Variants in TPP2 observed in about 807,000 individuals in gnomAD.
TPP2 encodes tripeptidyl peptidase 2.
Under a neutral mutation model 155.9 loss-of-function variants are expected in TPP2, and 34 were observed. The ratio of observed to expected loss-of-function variants is 0.22; its 90% CI spans 0.17 to 0.29. The LOEUF (loss-of-function observed/expected upper bound fraction) is 0.29, where lower values mean the gene tolerates loss of function less well. TPP2 is among the 10% of genes least tolerant of loss of function. The pLI is 1.00. For synonymous variants in TPP2, 510 were observed against 529.4 expected, an observed-to-expected ratio of 0.96 and a Z score of 0.50; for missense variants, 1,028 against 1,522.3, an observed-to-expected ratio of 0.68 and a Z score of 5.40.
chr13:102,642,084 C>A (rs147698211), intron 16 of TPP2, among the ~76,000 whole-genome samples: 1 of 152,298 alleles, frequency 6.6e-6, no homozygotes, highest in South Asian at 2.1e-4. Flanking sequence ...TACCTGGGGG[C>A]AGGTTTCTAA....
At chr13:102,644,343 G>T (rs535807953) in intron 17 of TPP2, among the ~76,000 whole-genome samples, 1 of 152,204 alleles carries the variant, frequency 6.6e-6, no homozygotes, top group East Asian at 1.9e-4. Context: ...GAAGCATAGG[G>T]TTATGAGTAA....
chr13:102,647,421 G>T, intron 21 of TPP2, 77 bp downstream of exon 21: 1 of 1,528,036 alleles, frequency 6.5e-7, no homozygotes, highest in Non-Finnish European at 8.8e-7. Context: ...TCTTGTTATG[G>T]TAATGTTCAT....
intron 29 of TPP2, 121 bp from the exon 30 acceptor site, chr13:102,678,106 G>C: frequency 1.0e-6 from 1 of 957,334 alleles, no homozygotes; most frequent in Non-Finnish European, 1.5e-6. Context: ...ACGGTTGGTG[G>C]AAGGAAGGTT....
At chr13:102,646,473 C>G (rs1020823936) in intron 20 of TPP2, 83 bp downstream of exon 20, 18 of 1,012,036 alleles carry the variant, frequency 1.8e-5, no homozygotes, top group Non-Finnish European at 2.3e-5. Flanking sequence ...AATGGAAGGA[C>G]AGTGTATATG....
intron 2 of TPP2, chr13:102,608,003 A>T (rs1879979403): frequency 6.6e-6 from 1 of 152,544 alleles, no homozygotes; most frequent in African/African-American, 2.4e-5. Context: ...TATTGCTATT[A>T]AATAAAGTCA....
intron 15 of TPP2, among the ~76,000 whole-genome samples, chr13:102,639,112 C>T (rs767438885): frequency 3.3e-5 from 5 of 152,304 alleles, no homozygotes; most frequent in East Asian, 3.9e-4. Context: ...GCACATTTTA[C>T]GTGCCCCTGG....
intron 4 of TPP2, among the ~76,000 whole-genome samples, chr13:102,617,087 T>G (rs1880798191): frequency 6.6e-6 from 1 of 150,944 alleles, no homozygotes; most frequent in African/African-American, 2.4e-5. Context: ...TTTTTTTTTT[T>G]GCATTTTTAG....
At chr13:102,630,469 T>C (rs776020512) in intron 10 of TPP2, among the ~76,000 whole-genome samples, 9 of 152,216 alleles carry the variant, frequency 5.9e-5, no homozygotes, top group Non-Finnish European at 1.3e-4. Context: ...AAAGAAAAAG[T>C]AGGGACTTGG....
intron 10 of TPP2, among the ~76,000 whole-genome samples, chr13:102,632,285 C>T (rs1011381681): frequency 1.3e-5 from 2 of 151,636 alleles, no homozygotes; most frequent in African/African-American, 4.9e-5. Context: ...TGCTCTGTCA[C>T]CCAGGCTGGA....
At chr13:102,604,000 C>T (rs954294525) in intron 1 of TPP2, among the ~76,000 whole-genome samples, 1 of 152,142 alleles carries the variant, frequency 6.6e-6, no homozygotes, top group Non-Finnish European at 1.5e-5. Flanking sequence ...CTGTTAGCTT[C>T]GCTGTGAGGA....
At chr13:102,661,725 A>G (rs1253445171) in intron 25 of TPP2, among the ~76,000 whole-genome samples, 1 of 152,176 alleles carries the variant, frequency 6.6e-6, no homozygotes, top group Non-Finnish European at 1.5e-5. Context: ...ATCACAATGA[A>G]ATACAACTTC....
At chr13:102,602,946 G>C (rs116316618) in intron 1 of TPP2, among the ~76,000 whole-genome samples, 1 of 148,896 alleles carries the variant, frequency 6.7e-6, no homozygotes, top group Non-Finnish European at 1.5e-5. Context: ...TTTTTCAGTC[G>C]TTGTGTCTCT....
chr13:102,597,181 A>C lies in TPP2; in HGVS notation c.143A>C (p.Asp48Ala). 1 of 1,514,344 alleles carries C rather than the reference A, an allele frequency of 6.6e-7. No individual in the cohort carries two copies. The highest frequency in any genetic ancestry group is 1.2e-5 in the South Asian group (1 of 81,972). 93.8% of individuals were successfully genotyped at this position (1,514,344 alleles called of 1,614,324 possible). A position where few individuals can be genotyped will look rare whatever the true frequency, so the allele number is the denominator to read the frequency against. ...ATCGCAGTCCTGGACACGGGGGTCG[A>C]CCCGGGGGCTCCGGGCATGCAGGTG... ...VLIAVLDTGV[D>A]PGAPGMQVTT... Residue 48 changes from aspartate to alanine, a missense_variant, in exon 1 of 30, where the codon GAC (aspartate) becomes GCC (alanine). Coordinates refer to ENST00000376052, the MANE Select transcript of TPP2 (RefSeq NM_001330588.2).
chr13:102,639,402 G>A (rs1305779993), intron 15 of TPP2, among the ~76,000 whole-genome samples: 3 of 152,100 alleles, frequency 2.0e-5, no homozygotes, highest in Non-Finnish European at 2.9e-5. Context: ...TATACATGTG[G>A]AAAAATTGTG....
At chr13:102,669,335 G>A (rs599848) in intron 27 of TPP2, among the ~76,000 whole-genome samples, 100,940 of 152,042 alleles carry the variant, frequency 0.66, 33,714 homozygotes, top group Middle Eastern at 0.7. Flanking sequence ...AGGGATGCCT[G>A]TGGATTGTTG....
intron 7 of TPP2, among the ~76,000 whole-genome samples, 162 bp from the exon 8 acceptor site, chr13:102,627,686 T>C (rs1489366406): frequency 6.6e-6 from 1 of 151,974 alleles, no homozygotes; most frequent in Non-Finnish European, 1.5e-5. Flanking sequence ...TTTGTGTTTA[T>C]GTGCTTATAT....
chr13:102,604,701 GTA>G, intron 1 of TPP2, 90 bp from the exon 2 acceptor site: 17 of 1,364,860 alleles, frequency 1.2e-5, no homozygotes, highest in Non-Finnish European at 1.4e-5. Context: ...TGTAGATTTT[GTA>G]TATACACACA....
rs908327386 is a variant in TPP2, at chr13:102,677,571, C to T, written c.3700-656C>T. ...CTGCCACACCAGCATCTCTGCTTAGCACAAACAGCCACACCTTTTCCTACC... is the reference window on the plus strand; with the variant it reads ...CTGCCACACCAGCATCTCTGCTTAGTACAAACAGCCACACCTTTTCCTACC... On this transcript the variant is annotated intron_variant, in intron 29 of 29. Transcript: ENST00000376052. 2.2e-4 allele frequency among the ~76,000 whole-genome samples: 33 copies of T among 152,186 alleles called. 1 individual carries two copies. Among genetic ancestry groups the T allele is most frequent in the Admixed American group, 1.6e-3 (25 of 15,272 alleles).
intron 1 of TPP2, among the ~76,000 whole-genome samples, chr13:102,602,016 T>A (rs1240101343): frequency 6.6e-6 from 1 of 152,230 alleles, no homozygotes; most frequent in African/African-American, 2.4e-5. Context: ...AGGTTTCTAA[T>A]GAGAGATCTA....
Sources: allele counts gnomAD v4.1 joint callset (sites outside exome capture counted in the v4.1 genomes callset), GRCh38; gene constraint gnomAD v4.1.1; transcripts MANE v1.5; gene names NCBI Gene and HGNC (gene_info 2026-07-23, HGNC 2026-07-21).